The following HS3ST5 variants were observed in gnomAD, a reference collection of about 807,000 sequenced individuals.
The protein encoded by HS3ST5 is heparan sulfate-glucosamine 3-sulfotransferase 5.
Under a neutral mutation model 25.4 loss-of-function variants are expected in HS3ST5, and 10 were observed. The observed-to-expected ratio is 0.39, with a 90% CI of 0.24 to 0.67. The LOEUF is 0.67. Among genes scored for constraint, HS3ST5 ranks in the 30% least tolerant of loss-of-function variants. The pLI is 0.44. For synonymous variants in HS3ST5, 170 were observed against 162.4 expected, an observed-to-expected ratio of 1.05 and a Z score of -0.36; for missense variants, 324 against 420.7, an observed-to-expected ratio of 0.77 and a Z score of 2.01.
chr6:114,098,730 C>T (rs777215156), intron 3 of HS3ST5, among the ~76,000 whole-genome samples: 1 of 151,774 alleles, frequency 6.6e-6, no homozygotes, highest in Non-Finnish European at 1.5e-5. Flanking sequence ...AGGTAATTTG[C>T]ATTCATCTTA....
At chr6:114,312,390 A>G (rs1327077201) in intron 1 of HS3ST5, among the ~76,000 whole-genome samples, 1 of 152,212 alleles carries the variant, frequency 6.6e-6, no homozygotes, top group Non-Finnish European at 1.5e-5. Context: ...ATATCTAAAT[A>G]GAAATGTAAA....
Position 114,057,561 on chromosome 6 carries a change from G to A in HS3ST5, c.737C>T (p.Pro246Leu). Reference sequence around the variant, plus strand: ...ATCGACGACATGAAATTGCTCAATTGGAAAGTATTTCAACCACCTTTCCAG... The same window carrying A: ...ATCGACGACATGAAATTGCTCAATTAGAAAGTATTTCAACCACCTTTCCAG... ...KHLERWLKYF[P>L]IEQFHVVDGD... Residue 246 changes from proline (P) to leucine (L), a missense_variant, in exon 5 of 5, where the codon CCA becomes CTA. Coordinates refer to ENST00000312719, the MANE Select transcript of HS3ST5 (RefSeq NM_153612.4). 6.2e-7 allele frequency: 1 copy of A among 1,614,150 alleles called. No homozygotes were observed. The highest frequency in any genetic ancestry group is 8.5e-7 in the Non-Finnish European group (1 of 1,180,026).
chr6:114,196,654 C>CAA (rs1231145859), intron 2 of HS3ST5, among the ~76,000 whole-genome samples: 12 of 79,194 alleles, frequency 1.5e-4, no homozygotes, highest in Non-Finnish European at 1.9e-4. Context: ...TGGAGCTCCA[C>CAA]AAAAAAAAAA....
chr6:114,338,141 A>G (rs1203139381), intron 1 of HS3ST5, among the ~76,000 whole-genome samples: 1 of 152,122 alleles, frequency 6.6e-6, no homozygotes, highest in Non-Finnish European at 1.5e-5. Flanking sequence ...AAACTAGTAG[A>G]GCATTTATGA....
intron 3 of HS3ST5, chr6:114,084,437 G>A: frequency 2.6e-6 from 2 of 756,178 alleles, no homozygotes; most frequent in East Asian, 4.9e-5. Context: ...GTCTCTTCAG[G>A]ATCTCTGTAG....
At chr6:114,224,326 G>A (rs1009179337) in intron 2 of HS3ST5, among the ~76,000 whole-genome samples, 2 of 151,536 alleles carry the variant, frequency 1.3e-5, no homozygotes, top group African/African-American at 4.8e-5. Flanking sequence ...AAGGATTTGA[G>A]AAAATCTTTC....
At chr6:114,085,164 G>T (rs1438118474) in intron 3 of HS3ST5, among the ~76,000 whole-genome samples, 1 of 152,032 alleles carries the variant, frequency 6.6e-6, no homozygotes, top group Admixed American at 6.5e-5. Flanking sequence ...GGATTTTGTG[G>T]TCTGTCATTT....
chr6:114,325,444 G>A (rs1456429436), intron 1 of HS3ST5, among the ~76,000 whole-genome samples: 1 of 152,158 alleles, frequency 6.6e-6, no homozygotes, highest in East Asian at 1.9e-4. Context: ...AGGTGGGTTG[G>A]ATTTGGCAGA....
chr6:114,208,485 A>G (rs1353439650), intron 2 of HS3ST5, among the ~76,000 whole-genome samples: 2 of 152,172 alleles, frequency 1.3e-5, no homozygotes, highest in Non-Finnish European at 2.9e-5. Context: ...ATGACCACCA[A>G]TAAGATCAAG....
chr6:114,288,659 ACCAAT>A, intron 1 of HS3ST5, among the ~76,000 whole-genome samples: 1 of 62,440 alleles, frequency 1.6e-5, no homozygotes, highest in Non-Finnish European at 3.6e-5. Context: ...GAGGTACTTG[ACCAAT>A]CTGACTACTA....
At chr6:114,187,787 C>G (rs1041768131) in intron 2 of HS3ST5, among the ~76,000 whole-genome samples, 2 of 152,040 alleles carry the variant, frequency 1.3e-5, no homozygotes, top group South Asian at 4.2e-4. Context: ...AAGGAAGAGT[C>G]GATCGATGTG....
chr6:114,096,325 C>T (rs192530769), intron 3 of HS3ST5, among the ~76,000 whole-genome samples: 107 of 152,254 alleles, frequency 7.0e-4, no homozygotes, highest in Admixed American at 1.1e-3. Context: ...TATATCTTTT[C>T]ATCCGGCTAC....
intron 2 of HS3ST5, among the ~76,000 whole-genome samples, chr6:114,222,744 G>A (rs999821874): frequency 7.9e-5 from 12 of 151,782 alleles, no homozygotes; most frequent in Non-Finnish European, 1.0e-4. Context: ...GCTGTAAAAT[G>A]TTAGCTAAGA....
intron 1 of HS3ST5, among the ~76,000 whole-genome samples, chr6:114,231,154 A>T (rs1166512321): frequency 6.6e-6 from 1 of 152,092 alleles, no homozygotes; most frequent in African/African-American, 2.4e-5. Flanking sequence ...GGTCATTTAA[A>T]AGTGTGTGGC....
At chr6:114,137,084 A>G (rs1434245154) in intron 3 of HS3ST5, among the ~76,000 whole-genome samples, 1 of 151,958 alleles carries the variant, frequency 6.6e-6, no homozygotes, top group Admixed American at 6.6e-5. Context: ...ATGACAATAT[A>G]ATGTATCATA....
intron 1 of HS3ST5, among the ~76,000 whole-genome samples, chr6:114,270,865 G>C (rs951041666): frequency 1.3e-5 from 2 of 151,902 alleles, no homozygotes; most frequent in African/African-American, 4.8e-5. Flanking sequence ...ACCAAAAATG[G>C]GTGGTGCAGA....
At chr6:114,247,438 C>CA (rs1772433542) in intron 1 of HS3ST5, among the ~76,000 whole-genome samples, 1 of 151,984 alleles carries the variant, frequency 6.6e-6, no homozygotes, top group Non-Finnish European at 1.5e-5. Flanking sequence ...AGATAAACTC[C>CA]AAAAAGCAGA....
At chr6:114,162,878 C>G (rs1489431709) in intron 3 of HS3ST5, among the ~76,000 whole-genome samples, 1 of 152,116 alleles carries the variant, frequency 6.6e-6, no homozygotes, top group African/African-American at 2.4e-5. Context: ...ATTTATTTCA[C>G]AGTTGCAATA....
intron 1 of HS3ST5, among the ~76,000 whole-genome samples, chr6:114,293,528 T>C (rs1294063428): frequency 1.3e-5 from 2 of 152,166 alleles, no homozygotes; most frequent in Non-Finnish European, 2.9e-5. Flanking sequence ...GTCCTGAGAC[T>C]GTTGTAGTAA....
Sources: gnomAD v4.1 joint callset for allele counts (sites outside exome capture counted in the v4.1 genomes callset) on GRCh38, gnomAD v4.1.1 for gene constraint, MANE v1.5 for transcripts, NCBI Gene and HGNC (gene_info 2026-07-23, HGNC 2026-07-21) for gene names.